Variants in RHOBTB1 observed in about 807,000 individuals in gnomAD.
RHOBTB1 encodes Rho related BTB domain containing 1.
Under a neutral mutation model 71.6 loss-of-function variants are expected in RHOBTB1, and 40 were observed. The ratio of observed to expected loss-of-function variants is 0.56; its 90% CI spans 0.43 to 0.73. The LOEUF is 0.73. Ranked by LOEUF, RHOBTB1 falls within the 30% of genes least tolerant of loss-of-function variation. RHOBTB1 has a pLI of 0.00. For synonymous variants in RHOBTB1, 319 were observed against 334.9 expected, an observed-to-expected ratio of 0.95 and a Z score of 0.52; for missense variants, 797 against 894.0, an observed-to-expected ratio of 0.89 and a Z score of 1.38.
intron 8 of RHOBTB1, chr10:60,876,995 C>G (rs2081080596): frequency 1.3e-5 from 2 of 152,292 alleles, no homozygotes; most frequent in South Asian, 2.1e-4. Flanking sequence ...GGCCAGTGAA[C>G]AAGACAGGCA....
intron 2 of RHOBTB1, among the ~76,000 whole-genome samples, chr10:60,936,193 A>T (rs1043446143): frequency 2.0e-5 from 3 of 152,184 alleles, no homozygotes; most frequent in Admixed American, 6.5e-5. Context: ...TGTCTTACTG[A>T]TTAACATAAA....
Position 60,965,914 on chromosome 10 carries a change from TA to T in RHOBTB1, c.-62+19930del, listed in dbSNP as rs562657521. Among the ~76,000 whole-genome samples, 112 of 150,240 alleles carry T rather than the reference TA, an allele frequency of 7.5e-4. No individual in the cohort carries two copies. In the South Asian group the frequency reaches 8.7e-3, roughly 12 times the overall value. On this transcript the variant is annotated intron_variant, in intron 2 of 11. Coordinates refer to the RHOBTB1 transcript ENST00000357917. ...GGAAATAAAGGGAGGAACTGATATT[TA>T]AAAAAAAAATCAAATTCTAACTCAT...
chr10:60,865,631 C>T (rs1265274040), downstream of RHOBTB1, among the ~76,000 whole-genome samples: 1 of 152,166 alleles, frequency 6.6e-6, no homozygotes, highest in Non-Finnish European at 1.5e-5. Flanking sequence ...TCTCAGATGG[C>T]AGGAAGCTAA....
chr10:60,971,350 T>G (rs1012284353), intron 2 of RHOBTB1, among the ~76,000 whole-genome samples: 3 of 151,960 alleles, frequency 2.0e-5, no homozygotes, highest in African/African-American at 7.3e-5. Context: ...AACAGATATA[T>G]AGACCAATGG....
At chr10:60,889,217 G>A (rs1472878367) in intron 5 of RHOBTB1, 32 bp from the exon 6 acceptor site, 1 of 1,554,992 alleles carries the variant, frequency 6.4e-7, no homozygotes, top group African/African-American at 1.4e-5. Flanking sequence ...ATTATAATCA[G>A]CCTTGTTTTA....
At chr10:60,900,233 G>T (rs1054104078) in intron 4 of RHOBTB1, among the ~76,000 whole-genome samples, 1 of 152,158 alleles carries the variant, frequency 6.6e-6, no homozygotes, top group Admixed American at 6.5e-5. Context: ...TCAGCGGATA[G>T]GGAGGGAAAG....
At chr10:60,917,009 A>C (rs1314027419) in intron 2 of RHOBTB1, among the ~76,000 whole-genome samples, 2 of 152,236 alleles carry the variant, frequency 1.3e-5, no homozygotes, top group African/African-American at 4.8e-5. Context: ...GAGGTAAGGC[A>C]ACAGATTCTC....
intron 5 of RHOBTB1, among the ~76,000 whole-genome samples, chr10:60,891,650 G>C (rs1295398030): frequency 6.6e-6 from 1 of 152,070 alleles, no homozygotes; most frequent in African/African-American, 2.4e-5. Context: ...GCCCAGCCTA[G>C]AGGAGGGTAT....
intron 1 of RHOBTB1, among the ~76,000 whole-genome samples, chr10:60,996,893 C>T (rs2087070294): frequency 1.3e-5 from 2 of 152,162 alleles, no homozygotes; most frequent in South Asian, 4.1e-4. Flanking sequence ...TATCTCTCAG[C>T]TGTACAGAAT....
At chr10:60,874,680 T>A (rs2080956963) in intron 9 of RHOBTB1, among the ~76,000 whole-genome samples, 1 of 151,868 alleles carries the variant, frequency 6.6e-6, no homozygotes, top group Non-Finnish European at 1.5e-5. Flanking sequence ...AGACAAAACC[T>A]CCCCCAAGTG....
intron 2 of RHOBTB1, among the ~76,000 whole-genome samples, chr10:60,949,937 T>C (rs907995723): frequency 3.3e-5 from 5 of 152,198 alleles, no homozygotes; most frequent in African/African-American, 4.8e-5. Flanking sequence ...CATGTTACAT[T>C]ATTTGTGTAG....
At chr10:60,963,988 C>T (rs1363586208) in intron 2 of RHOBTB1, among the ~76,000 whole-genome samples, 1 of 152,088 alleles carries the variant, frequency 6.6e-6, no homozygotes, top group African/African-American at 2.4e-5. Context: ...CACATCTTGT[C>T]ACCTTTCCCC....
At chr10:60,942,699 C>A (rs1016308912) in intron 1 of RHOBTB1, among the ~76,000 whole-genome samples, 5 of 152,144 alleles carry the variant, frequency 3.3e-5, no homozygotes, top group Admixed American at 6.5e-5. Flanking sequence ...GGAAATGAAA[C>A]GTAGTTCCAA....
intron 4 of RHOBTB1, among the ~76,000 whole-genome samples, chr10:60,909,203 G>T (rs182239574): frequency 2.0e-5 from 3 of 152,308 alleles, no homozygotes; most frequent in East Asian, 3.9e-4. Flanking sequence ...TGCTATGCAG[G>T]AATCTCACAA....
At chr10:60,990,184 C>T (rs2086811334) in intron 1 of RHOBTB1, among the ~76,000 whole-genome samples, 1 of 151,896 alleles carries the variant, frequency 6.6e-6, no homozygotes, top group South Asian at 2.1e-4. Flanking sequence ...GGGGTTTCAC[C>T]ATGTTAGCCA....
chr10:60,900,190 T>C lies in RHOBTB1; in HGVS notation c.297-7195A>G, dbSNP rs1589237120. On this transcript the variant is annotated intron_variant, in intron 4 of 10. Transcript: ENST00000337910. Reference sequence around the variant, plus strand: ...CTTTAATGAGAATGGACTAAATTGGTGGCAAGGTAAGAGTGGGAGAGGACT... The same window carrying C: ...CTTTAATGAGAATGGACTAAATTGGCGGCAAGGTAAGAGTGGGAGAGGACT... Among the ~76,000 whole-genome samples, 3 of 152,044 alleles carry C rather than the reference T, an allele frequency of 2.0e-5. No homozygotes were observed. The East Asian group carries it at 5.8e-4, about 29-fold the overall frequency.
chr10:60,919,208 G>A (rs1356219520), intron 2 of RHOBTB1, among the ~76,000 whole-genome samples: 1 of 152,056 alleles, frequency 6.6e-6, no homozygotes, highest in Admixed American at 6.5e-5. Flanking sequence ...CCTCCCAAAA[G>A]CATATAATCT....
chr10:60,928,210 C>T (rs1465221711), intron 2 of RHOBTB1, among the ~76,000 whole-genome samples: 1 of 152,106 alleles, frequency 6.6e-6, no homozygotes, highest in South Asian at 2.1e-4. Context: ...CCCTTGCAAG[C>T]TGTTGCTGAG....
chr10:60,893,581 A>G (rs992558389), intron 4 of RHOBTB1, among the ~76,000 whole-genome samples: 5 of 152,206 alleles, frequency 3.3e-5, no homozygotes, highest in African/African-American at 1.2e-4. Context: ...ATTTGCAGGA[A>G]TTTTGACTCT....
Sources: allele counts gnomAD v4.1 joint callset (sites outside exome capture counted in the v4.1 genomes callset), GRCh38; gene constraint gnomAD v4.1.1; transcripts MANE v1.5; gene names NCBI Gene and HGNC (gene_info 2026-07-23, HGNC 2026-07-21).